The following LRRC4C variants were observed in gnomAD, a reference collection of about 807,000 sequenced individuals.
The protein encoded by LRRC4C is leucine rich repeat containing 4C.
A neutral mutation model predicts 33.6 loss-of-function variants in LRRC4C; 5 were observed. The observed-to-expected ratio is 0.15, with a 90% CI of 0.08 to 0.31. LRRC4C has a LOEUF of 0.31. LRRC4C is among the 10% of genes least tolerant of loss of function. LRRC4C has a pLI of 1.00. For synonymous variants in LRRC4C, 329 were observed against 302.0 expected (o/e 1.09, Z -0.93); for missense variants, 560 against 796.7 (o/e 0.70, Z 3.58).
chr11:41,422,469 G>T (rs2138335950), intron 1 of LRRC4C, among the ~76,000 whole-genome samples: 1 of 152,046 alleles, frequency 6.6e-6, no homozygotes. Flanking sequence ...ATAATACTTG[G>T]AATTACTGCC....
intron 3 of LRRC4C, among the ~76,000 whole-genome samples, chr11:40,489,372 G>A (rs1055918714): frequency 1.3e-5 from 2 of 151,826 alleles, no homozygotes; most frequent in African/African-American, 4.8e-5. Context: ...AACATCCCTG[G>A]GAATCTTTAG....
chr11:40,965,235 T>A (rs1851264715), intron 1 of LRRC4C, among the ~76,000 whole-genome samples: 1 of 152,144 alleles, frequency 6.6e-6, no homozygotes, highest in African/African-American at 2.4e-5. Context: ...TTCTTGTAAA[T>A]TTGTTTGAGT....
intron 3 of LRRC4C, among the ~76,000 whole-genome samples, chr11:40,347,303 CTCCTACAATT>C (rs923804604): frequency 6.6e-6 from 1 of 152,148 alleles, no homozygotes; most frequent in Non-Finnish European, 1.5e-5. Flanking sequence ...TGAAATTTTT[CTCCTACAATT>C]TCCTCACCTT....
chr11:40,708,604 A>T (rs960956281), intron 2 of LRRC4C, among the ~76,000 whole-genome samples: 1 of 152,148 alleles, frequency 6.6e-6, no homozygotes, highest in Non-Finnish European at 1.5e-5. Flanking sequence ...CTGTTCTTTT[A>T]CATTTGCTGA....
chr11:40,312,456 A>G (rs1388016680), intron 4 of LRRC4C, among the ~76,000 whole-genome samples: 1 of 152,222 alleles, frequency 6.6e-6, no homozygotes, highest in Non-Finnish European at 1.5e-5. Flanking sequence ...AGCCATGTGC[A>G]TGGGAATTTA....
In LRRC4C at chr11:40,804,184, G is replaced by A. The variant is rs373587335; in HGVS notation, c.-407+129451C>T. Among the ~76,000 whole-genome samples, 4 of 151,984 alleles carry A rather than the reference G, an allele frequency of 2.6e-5. No individual in the cohort carries two copies. The South Asian group carries it at 6.2e-4, about 24-fold the overall frequency. On this transcript the variant is annotated intron_variant, in intron 2 of 6. Transcript: ENST00000528697. Reference sequence around the variant, plus strand: ...ACCAATCTTCTCATAGACTCCCCTTGCTTATAAATGGAGTCTCATAGATTC... The same window carrying A: ...ACCAATCTTCTCATAGACTCCCCTTACTTATAAATGGAGTCTCATAGATTC...
At chr11:40,606,692 A>G (rs1002859217) in intron 3 of LRRC4C, among the ~76,000 whole-genome samples, 3 of 152,176 alleles carry the variant, frequency 2.0e-5, no homozygotes, top group African/African-American at 7.2e-5. Context: ...TAAGAAAAAA[A>G]TAAAATTTTG....
intron 1 of LRRC4C, among the ~76,000 whole-genome samples, chr11:40,996,806 A>C (rs1854009681): frequency 6.6e-6 from 1 of 152,056 alleles, no homozygotes; most frequent in South Asian, 2.1e-4. Flanking sequence ...AGACTTTTTA[A>C]AATGGCCAGC....
intron 1 of LRRC4C, among the ~76,000 whole-genome samples, chr11:41,266,649 T>A (rs939820827): frequency 6.6e-6 from 1 of 152,110 alleles, no homozygotes; most frequent in African/African-American, 2.4e-5. Context: ...GAGATAGACA[T>A]GCATAAGAAA....
chr11:40,363,236 A>G (rs1271522027), intron 3 of LRRC4C, among the ~76,000 whole-genome samples: 2 of 152,212 alleles, frequency 1.3e-5, no homozygotes, highest in African/African-American at 4.8e-5. Context: ...ATAAAAAAGA[A>G]TGAGACCATG....
intron 1 of LRRC4C, among the ~76,000 whole-genome samples, chr11:41,224,605 C>T (rs1239322111): frequency 2.6e-5 from 4 of 152,156 alleles, no homozygotes; most frequent in Non-Finnish European, 2.9e-5. Context: ...TCCAATGACT[C>T]CTTTAATCAC....
intron 4 of LRRC4C, among the ~76,000 whole-genome samples, chr11:40,311,085 C>A (rs1186228428): frequency 6.6e-6 from 1 of 152,128 alleles, no homozygotes; most frequent in Non-Finnish European, 1.5e-5. Flanking sequence ...ATACTTTATC[C>A]TGTCATTTTT....
At chr11:40,424,676 TC>T (rs1348205462) in intron 3 of LRRC4C, among the ~76,000 whole-genome samples, 1 of 152,148 alleles carries the variant, frequency 6.6e-6, no homozygotes, top group Admixed American at 6.5e-5. Flanking sequence ...ATGAAGCAGC[TC>T]CACGTGTAAC....
At chr11:40,569,540 C>T (rs1430114655) in intron 3 of LRRC4C, among the ~76,000 whole-genome samples, 1 of 151,832 alleles carries the variant, frequency 6.6e-6, no homozygotes, top group Non-Finnish European at 1.5e-5. Flanking sequence ...TGTGTGATGT[C>T]TGTGTTTGTA....
chr11:40,962,599 C>T (rs186771186), intron 1 of LRRC4C, among the ~76,000 whole-genome samples: 6 of 151,698 alleles, frequency 4.0e-5, no homozygotes, highest in African/African-American at 2.4e-5. Flanking sequence ...TTTTCACAAG[C>T]GAATCTTTGT....
intron 1 of LRRC4C, among the ~76,000 whole-genome samples, chr11:41,327,956 T>C (rs1196707070): frequency 2.6e-5 from 4 of 152,196 alleles, no homozygotes; most frequent in African/African-American, 9.6e-5. Context: ...TATTTCTTCA[T>C]AACAGTATGA....
chr11:40,240,051 T>C (rs1278447370), intron 5 of LRRC4C, among the ~76,000 whole-genome samples: 2 of 152,172 alleles, frequency 1.3e-5, no homozygotes, highest in Admixed American at 6.5e-5. Flanking sequence ...AGGTAACATT[T>C]TTAAGAAGCG....
intron 3 of LRRC4C, among the ~76,000 whole-genome samples, chr11:40,593,022 G>A (rs891006515): frequency 6.6e-6 from 1 of 152,174 alleles, no homozygotes; most frequent in Non-Finnish European, 1.5e-5. Context: ...TTTGAAGAGA[G>A]TAAATTTACT....
intron 2 of LRRC4C, among the ~76,000 whole-genome samples, chr11:40,819,871 C>T (rs1234308188): frequency 6.6e-6 from 1 of 151,794 alleles, no homozygotes; most frequent in Non-Finnish European, 1.5e-5. Flanking sequence ...CTCTAGGAAG[C>T]TAGAGTTAAA....
Sources: allele counts gnomAD v4.1 joint callset (sites outside exome capture counted in the v4.1 genomes callset), GRCh38; gene constraint gnomAD v4.1.1; transcripts MANE v1.5; gene names NCBI Gene and HGNC (gene_info 2026-07-23, HGNC 2026-07-21).